The following MPDZ variants were observed in gnomAD, a reference collection of about 807,000 sequenced individuals.
MPDZ encodes multiple PDZ domain crumbs cell polarity complex component.
A neutral mutation model predicts 239.1 loss-of-function variants in MPDZ; 234 were observed. That is an observed-to-expected ratio of 0.98 (90% CI 0.88 to 1.09). The LOEUF is 1.09. Among genes scored for constraint, MPDZ ranks in the 50% least tolerant of loss-of-function variants. The pLI is 0.00. For missense variants in MPDZ, 3,175 were observed against 2,510.0 expected (o/e 1.26, Z -5.66); for synonymous variants, 1,048 against 881.3 (o/e 1.19, Z -3.35).
intron 21 of MPDZ, among the ~76,000 whole-genome samples, chr9:13,169,663 A>C (rs1951533957): frequency 6.6e-6 from 1 of 152,170 alleles, no homozygotes; most frequent in Non-Finnish European, 1.5e-5. Context: ...TACAAAAAAA[A>C]AGACAAGTAA....
rs1954710747 is a variant in MPDZ at position 13,190,210 on chromosome 9, C to G, written c.2058G>C (p.Glu686Asp). Residue 686 changes from glutamate (E) to aspartate (D), a missense_variant, in exon 16 of 47, where the codon GAG (glutamate) becomes GAC (aspartate). By Grantham distance (45) the Glu-to-Asp change is conservative. Coordinates refer to ENST00000319217, the MANE Select transcript of MPDZ (RefSeq NM_001378778.1). ...AMTDAGQSTE[E>D]VQAPLAMWEA... Reference sequence around the variant, plus strand: ...CCCACATGGCCAAAGGTGCTTGAACCTCTTCTGTACTCTGACCCGCATCAG... The same window carrying G: ...CCCACATGGCCAAAGGTGCTTGAACGTCTTCTGTACTCTGACCCGCATCAG... 1.2e-6 allele frequency: 2 copies of G among 1,613,000 alleles called. No homozygotes were observed. Among genetic ancestry groups the G allele is most frequent in the African/African-American group, 2.7e-5 (2 of 74,892 alleles).
At chr9:13,268,619 T>C (rs1209457816) in intron 1 of MPDZ, among the ~76,000 whole-genome samples, 4 of 151,994 alleles carry the variant, frequency 2.6e-5, no homozygotes, top group African/African-American at 9.7e-5. Context: ...CAGAAAGAAT[T>C]TGTAAGAGAT....
chr9:13,129,355 C>T (rs1854414), intron 32 of MPDZ, among the ~76,000 whole-genome samples: 56,392 of 151,248 alleles, frequency 0.37, 11,138 homozygotes, highest in African/African-American at 0.51. Flanking sequence ...CCCAGCTACT[C>T]GGGAGGCTGA....
chr9:13,173,695 ACT>A (rs947463860), intron 21 of MPDZ, among the ~76,000 whole-genome samples: 1 of 149,744 alleles, frequency 6.7e-6, no homozygotes, highest in African/African-American at 2.5e-5. Flanking sequence ...ACAAAGCGAA[ACT>A]CTCTCTCAAA....
chr9:13,211,599 T>C (rs371898488), intron 10 of MPDZ, among the ~76,000 whole-genome samples: 1 of 152,114 alleles, frequency 6.6e-6, no homozygotes, highest in African/African-American at 2.4e-5. Flanking sequence ...AGCAACAAAA[T>C]AGAATTTAAA....
chr9:13,179,830 C>A (rs573334013), intron 19 of MPDZ, among the ~76,000 whole-genome samples: 1 of 152,220 alleles, frequency 6.6e-6, no homozygotes, highest in South Asian at 2.1e-4. Flanking sequence ...ATTATTTACC[C>A]AGATAATATA....
intron 1 of MPDZ, among the ~76,000 whole-genome samples, chr9:13,278,168 T>C (rs560636545): frequency 3.3e-5 from 5 of 152,208 alleles, no homozygotes; most frequent in African/African-American, 1.2e-4. Context: ...ACTTATCAGA[T>C]TCCTTCTCTA....
chr9:13,139,284 C>G (rs1227480484), intron 28 of MPDZ, among the ~76,000 whole-genome samples: 1 of 152,144 alleles, frequency 6.6e-6, no homozygotes, highest in Non-Finnish European at 1.5e-5. Context: ...TAAAATAAAA[C>G]TTTTTAAAAC....
chr9:13,134,953 A>C (rs1395948213), intron 31 of MPDZ: 2 of 152,194 alleles, frequency 1.3e-5, no homozygotes, highest in African/African-American at 4.8e-5. Flanking sequence ...CTACCACATG[A>C]TTCTGCCCTT....
At position 13,176,315 on chromosome 9, in the gene MPDZ, A is replaced by T; in HGVS notation, c.2752T>A (p.Ser918Thr). The change falls in exon 20 of 47, where the codon TCG becomes ACG. Residue 918 changes from serine (S) to threonine (T), a missense_variant. By Grantham distance (58) the Ser-to-Thr change is moderately conservative. Coordinates refer to ENST00000319217, the MANE Select transcript of MPDZ (RefSeq NM_001378778.1). Reference sequence around the variant, plus strand: ...GCAGGCCCCATACTTATGTCCACCGAAGGTGTATTCTCATCCTGTCTTTGC... The same window carrying T: ...GCAGGCCCCATACTTATGTCCACCGTAGGTGTATTCTCATCCTGTCTTTGC... ...LLQRQDENTPSVDISMGPASG... is the reference protein window; with the variant it reads ...LLQRQDENTPTVDISMGPASG... 6.2e-7 allele frequency: 1 copy of T among 1,609,688 alleles called. No individual in the cohort carries two copies. The highest frequency in any genetic ancestry group is 8.5e-7 in the Non-Finnish European group (1 of 1,177,718).
In MPDZ at chr9:13,152,772, T is replaced by C. The variant is rs544815512; in HGVS notation, c.3453-2084A>G. Among the ~76,000 whole-genome samples, 3 of 152,234 alleles carry C rather than the reference T, an allele frequency of 2.0e-5. No individual in the cohort carries two copies. In the East Asian group the frequency reaches 5.8e-4, roughly 29 times the overall value. ...GCCTCGGTGCTTGCTAATTCCTCTG[T>C]CTTGAACACATTTCCTATACCCACA... On this transcript the variant is annotated intron_variant, in intron 24 of 46. Coordinates refer to ENST00000319217, the MANE Select transcript of MPDZ (RefSeq NM_001378778.1).
chr9:13,248,895 C>A (rs1967055300), intron 2 of MPDZ, among the ~76,000 whole-genome samples: 1 of 134,866 alleles, frequency 7.4e-6, no homozygotes, highest in Non-Finnish European at 1.5e-5. Context: ...ATCCCTTGAA[C>A]TCAAGAGGTG....
chr9:13,121,859 ACT>A lies in MPDZ; in HGVS notation c.5109_5110del (p.Arg1703SerfsTer9), dbSNP rs1274910459. 1 of 1,612,770 alleles carries A rather than the reference ACT, an allele frequency of 6.2e-7. No homozygotes were observed. Among genetic ancestry groups the A allele is most frequent in the East Asian group, 2.2e-5 (1 of 44,834 alleles). ...CTCATCTCTGTAGAGTGTCAGGCGC[ACT>A]CTCTGTGGCGTCTGTCTCAGGACAT... is the stretch of plus-strand genomic sequence containing the variant. On this transcript the variant is annotated frameshift_variant, in exon 38 of 47. Transcript: ENST00000319217. LOFTEE classifies it high-confidence loss of function.
At position 13,189,006 on chromosome 9, in the gene MPDZ, A is replaced by C; in HGVS notation, c.2155-13T>G. The C allele has an allele frequency of 6.2e-7, 1 of 1,606,682 alleles. No individual in the cohort carries two copies. The highest frequency in any genetic ancestry group is 8.5e-7 in the Non-Finnish European group (1 of 1,175,074). On this transcript the variant is annotated splice_polypyrimidine_tract_variant and intron_variant, in intron 16 of 46. Transcript: ENST00000319217. ...GATCAATTGGATCCTGACAGAAGGCAAAAGGAAAGAGTCAGCTCATTTTAC... is the reference window on the plus strand; with the variant it reads ...GATCAATTGGATCCTGACAGAAGGCCAAAGGAAAGAGTCAGCTCATTTTAC...
rs925094570 is a variant in MPDZ, at chr9:13,174,341, G to A, written c.3055+1411C>T. On this transcript the variant is annotated intron_variant, in intron 21 of 46. Coordinates refer to ENST00000319217, the MANE Select transcript of MPDZ (RefSeq NM_001378778.1). ...TGATATTATGGTGTCTATGCATAGT[G>A]GATATAGTATTAAAATAAATGTTTG... Among the ~76,000 whole-genome samples the A allele has an allele frequency of 2.6e-5, 4 of 152,208 alleles. No homozygotes were observed. The South Asian group carries it at 8.3e-4, about 32-fold the overall frequency.
chr9:13,262,430 G>A lies in MPDZ; in HGVS notation c.-57-12058C>T, dbSNP rs73408257. On this transcript the variant is annotated intron_variant, in intron 1 of 46. Transcript: ENST00000319217. ...GCACCACTGCACTTCAGTCTGGGCC[G>A]ACAGAGAAAGACCCTGTCTCAAAAA... Among the ~76,000 whole-genome samples, 1,226 of 152,120 alleles carry A rather than the reference G, an allele frequency of 8.1e-3. 11 individuals carry two copies. Among genetic ancestry groups the A allele is most frequent in the African/African-American group, 0.028 (1,180 of 41,486 alleles).
intron 3 of MPDZ, among the ~76,000 whole-genome samples, chr9:13,233,656 A>G (rs1433162931): frequency 1.3e-5 from 2 of 152,268 alleles, no homozygotes; most frequent in South Asian, 2.1e-4. Flanking sequence ...AAGTTTTCAA[A>G]GTTTGCAAAA....
chr9:13,275,639 GT>G (rs1396462045), intron 1 of MPDZ, among the ~76,000 whole-genome samples: 1 of 152,162 alleles, frequency 6.6e-6, no homozygotes, highest in Non-Finnish European at 1.5e-5. Flanking sequence ...TAGGGTGCAT[GT>G]TAGAAAAAGC....
chr9:13,264,342 T>G (rs1195823655), intron 1 of MPDZ, among the ~76,000 whole-genome samples: 3 of 152,166 alleles, frequency 2.0e-5, no homozygotes, highest in Non-Finnish European at 4.4e-5. Context: ...TCATATCCAC[T>G]TCCAGAATTA....
Sources: gnomAD v4.1 joint callset for allele counts (sites outside exome capture counted in the v4.1 genomes callset) on GRCh38, gnomAD v4.1.1 for gene constraint, MANE v1.5 for transcripts, NCBI Gene and HGNC (gene_info 2026-07-23, HGNC 2026-07-21) for gene names.